Variants in NALF1 observed in about 807,000 individuals in gnomAD.
NALF1 encodes the protein NALCN channel auxiliary factor 1, also known as family with sequence similarity 155 member A.
In NALF1, 3 loss-of-function variants were observed where a neutral mutation model predicts 48.4. The observed-to-expected ratio is 0.06, with a 90% confidence interval of 0.03 to 0.16. The LOEUF (loss-of-function observed/expected upper bound fraction) is 0.16, where lower values mean the gene tolerates loss of function less well. Ranked by LOEUF, NALF1 falls within the 10% of genes least tolerant of loss-of-function variation. The probability of loss-of-function intolerance (pLI) is 1.00; values close to 1 mark genes in which losing one functional copy is unlikely to be tolerated. For synonymous variants in NALF1, 262 were observed against 245.7 expected (o/e 1.07, Z -0.62); for missense variants, 526 against 571.5 (o/e 0.92, Z 0.81).
chr13:107,235,401 T>C (rs979125181), intron 1 of NALF1, among the ~76,000 whole-genome samples: 4 of 152,114 alleles, frequency 2.6e-5, no homozygotes, highest in Non-Finnish European at 4.4e-5. Context: ...CAGTTATCCC[T>C]TGATATACAC....
At chr13:107,770,527 C>T (rs185308375) in intron 1 of NALF1, among the ~76,000 whole-genome samples, 1 of 152,240 alleles carries the variant, frequency 6.6e-6, no homozygotes, top group Admixed American at 6.5e-5. Context: ...TTCATAAGTA[C>T]CTACAACTGG....
At chr13:107,493,121 G>T (rs1384538458) in intron 1 of NALF1, among the ~76,000 whole-genome samples, 1 of 152,044 alleles carries the variant, frequency 6.6e-6, no homozygotes, top group Non-Finnish European at 1.5e-5. Flanking sequence ...TGCCCAAAAA[G>T]ATATCTCCAT....
intron 1 of NALF1, among the ~76,000 whole-genome samples, chr13:107,615,553 C>T (rs975171407): frequency 3.9e-5 from 6 of 152,148 alleles, no homozygotes; most frequent in Non-Finnish European, 7.3e-5. Flanking sequence ...TGATCCCCTT[C>T]GCCTTCAGAG....
chr13:107,862,808 C>T (rs1271650611), intron 1 of NALF1, among the ~76,000 whole-genome samples: 1 of 151,666 alleles, frequency 6.6e-6, no homozygotes, highest in Admixed American at 6.6e-5. Flanking sequence ...TTAATTTATT[C>T]TTATTTTATA....
At chr13:107,548,262 G>C (rs936011627) in intron 1 of NALF1, among the ~76,000 whole-genome samples, 1 of 151,984 alleles carries the variant, frequency 6.6e-6, no homozygotes, top group African/African-American at 2.4e-5. Context: ...TAAGGACCAC[G>C]GCCTCCAGCT....
At chr13:107,509,724 A>T (rs1357635025) in intron 1 of NALF1, among the ~76,000 whole-genome samples, 1 of 152,202 alleles carries the variant, frequency 6.6e-6, no homozygotes, top group Admixed American at 6.5e-5. Flanking sequence ...TATAACTGTC[A>T]GATTATAAGG....
At chr13:107,292,804 CATT>C (rs1292266769) in intron 1 of NALF1, among the ~76,000 whole-genome samples, 3 of 152,194 alleles carry the variant, frequency 2.0e-5, no homozygotes, top group Non-Finnish European at 2.9e-5. Flanking sequence ...CAATTATAAT[CATT>C]ATCAAAGATT....
chr13:107,325,003 A>G (rs182183344), intron 1 of NALF1, among the ~76,000 whole-genome samples: 2 of 152,234 alleles, frequency 1.3e-5, no homozygotes, highest in East Asian at 3.8e-4. Context: ...AACTGAATCA[A>G]TTGTAAAGAT....
intron 1 of NALF1, among the ~76,000 whole-genome samples, chr13:107,407,730 C>G (rs1883924019): frequency 6.6e-6 from 1 of 152,048 alleles, no homozygotes; most frequent in South Asian, 2.1e-4. Context: ...CCATATGATC[C>G]AGCAATCCCA....
rs192099144 is a variant in NALF1 at position 107,578,101 on chromosome 13, C to T, written c.915+287581G>A. Reference sequence around the variant, plus strand: ...TCCCAATTCTTGCCTCCTCGTTTTACTCATTGTGTATCCAATCTCCAGTCA... The same window carrying T: ...TCCCAATTCTTGCCTCCTCGTTTTATTCATTGTGTATCCAATCTCCAGTCA... On this transcript the variant is annotated intron_variant, in intron 1 of 2. Transcript: ENST00000375915. Among the ~76,000 whole-genome samples, 309 of 152,308 alleles carry T rather than the reference C, an allele frequency of 2.0e-3. 3 individuals are homozygous for T. Among genetic ancestry groups the T allele is most frequent in the African/African-American group, 7.2e-3 (300 of 41,564 alleles).
rs141000249 is a variant in NALF1 at position 107,310,017 on chromosome 13, C to A, written c.916-99262G>T. Among the ~76,000 whole-genome samples, 67 of 152,242 alleles carry A rather than the reference C, an allele frequency of 4.4e-4. No individual in the cohort carries two copies. The East Asian group carries it at 0.012, about 28-fold the overall frequency. ...CATCCCAGATGCCAATTCCACATGGCGCTACCAATAAGTTGGTATGCAAAT... is the reference window on the plus strand; with the variant it reads ...CATCCCAGATGCCAATTCCACATGGAGCTACCAATAAGTTGGTATGCAAAT... On this transcript the variant is annotated intron_variant, in intron 1 of 2. Coordinates refer to ENST00000375915, the MANE Select transcript of NALF1 (RefSeq NM_001080396.3).
At chr13:107,641,028 G>A (rs977981019) in intron 1 of NALF1, among the ~76,000 whole-genome samples, 2 of 152,236 alleles carry the variant, frequency 1.3e-5, no homozygotes, top group African/African-American at 4.8e-5. Flanking sequence ...ATGGATAAAT[G>A]GATAACTAAA....
chr13:107,422,402 A>C (rs1254419950), intron 1 of NALF1, among the ~76,000 whole-genome samples: 3 of 152,186 alleles, frequency 2.0e-5, no homozygotes, highest in Non-Finnish European at 4.4e-5. Context: ...CCAGAGAGAA[A>C]TTCCACGACA....
At chr13:107,374,201 A>T (rs1288105971) in intron 1 of NALF1, among the ~76,000 whole-genome samples, 2 of 152,138 alleles carry the variant, frequency 1.3e-5, no homozygotes, top group Non-Finnish European at 2.9e-5. Flanking sequence ...GTCAACCTGG[A>T]CCAGTCACCA....
intron 1 of NALF1, among the ~76,000 whole-genome samples, chr13:107,769,192 A>G (rs1248054449): frequency 1.3e-5 from 2 of 148,616 alleles, no homozygotes; most frequent in Non-Finnish European, 3.0e-5. Flanking sequence ...ATTACTGGGT[A>G]TATACTCAAA....
chr13:107,311,225 G>T (rs1396587838), intron 1 of NALF1, among the ~76,000 whole-genome samples: 5 of 152,030 alleles, frequency 3.3e-5, no homozygotes, highest in Admixed American at 3.3e-4. Context: ...GAACAGTAAA[G>T]GATGTCTTGT....
At chr13:107,688,035 C>T (rs963150312) in intron 1 of NALF1, among the ~76,000 whole-genome samples, 8 of 152,148 alleles carry the variant, frequency 5.3e-5, no homozygotes, top group Non-Finnish European at 1.0e-4. Flanking sequence ...ACAATATTAA[C>T]TAAAAAAATT....
intron 1 of NALF1, among the ~76,000 whole-genome samples, chr13:107,664,831 A>T (rs1383921105): frequency 2.6e-5 from 4 of 152,130 alleles, no homozygotes; most frequent in Admixed American, 2.0e-4. Flanking sequence ...GTACTACTGC[A>T]GTTTTCCCAG....
At chr13:107,259,269 A>C (rs1880883152) in intron 1 of NALF1, among the ~76,000 whole-genome samples, 1 of 152,082 alleles carries the variant, frequency 6.6e-6, no homozygotes, top group African/African-American at 2.4e-5. Flanking sequence ...ACGGATCTTC[A>C]ATAACTATTT....
Sources: allele counts gnomAD v4.1 joint callset (sites outside exome capture counted in the v4.1 genomes callset), GRCh38; gene constraint gnomAD v4.1.1; transcripts MANE v1.5; gene names NCBI Gene and HGNC (gene_info 2026-07-23, HGNC 2026-07-21).